The following GALNT7 variants were observed in gnomAD, a reference collection of about 807,000 sequenced individuals.
The protein encoded by GALNT7 is polypeptide N-acetylgalactosaminyltransferase 7.
GALNT7 carries 60 observed loss-of-function variants against 82.1 expected under a neutral mutation model. The observed-to-expected ratio is 0.73, with a 90% confidence interval of 0.59 to 0.91. GALNT7 has a LOEUF of 0.91. GALNT7 is among the 40% of genes least tolerant of loss of function. The probability of loss-of-function intolerance (pLI) is 0.00; values close to 1 mark genes in which losing one functional copy is unlikely to be tolerated. For synonymous variants in GALNT7, 243 were observed against 275.1 expected (o/e 0.88, Z 1.15); for missense variants, 660 against 804.2 (o/e 0.82, Z 2.17).
intron 1 of GALNT7, among the ~76,000 whole-genome samples, chr4:173,198,699 T>C (rs1420965647): frequency 3.9e-5 from 6 of 152,236 alleles, no homozygotes; most frequent in Non-Finnish European, 2.9e-5. Flanking sequence ...CATCAATTCA[T>C]ATATTATTTC....
At chr4:173,284,132 C>T (rs981863055) in intron 2 of GALNT7, among the ~76,000 whole-genome samples, 4 of 152,236 alleles carry the variant, frequency 2.6e-5, no homozygotes, top group African/African-American at 9.6e-5. Context: ...AACTCTTGTT[C>T]TGCTTAATAT....
intron 1 of GALNT7, among the ~76,000 whole-genome samples, chr4:173,208,469 C>T (rs545614856): frequency 5.9e-5 from 9 of 152,282 alleles, no homozygotes; most frequent in East Asian, 1.9e-4. Flanking sequence ...TATCATTCAG[C>T]GGCATCTCTT....
intron 2 of GALNT7, among the ~76,000 whole-genome samples, chr4:173,277,047 T>C (rs991211352): frequency 6.9e-6 from 1 of 145,614 alleles, no homozygotes; most frequent in Admixed American, 6.7e-5. Context: ...GATTGATAGA[T>C]TGATTGATTA....
intron 2 of GALNT7, among the ~76,000 whole-genome samples, chr4:173,273,863 T>C (rs1378664170): frequency 2.6e-5 from 4 of 152,216 alleles, no homozygotes; most frequent in Admixed American, 2.6e-4. Context: ...GTAGCATAAG[T>C]TAATAACTAA....
At chr4:173,281,547 G>A (rs560313260) in intron 2 of GALNT7, among the ~76,000 whole-genome samples, 2 of 152,278 alleles carry the variant, frequency 1.3e-5, no homozygotes, top group South Asian at 2.1e-4. Flanking sequence ...ATGTGGAAAC[G>A]TCTGGGCTCC....
Position 173,295,529 on chromosome 4 carries a change from A to G in GALNT7, c.885+3A>G, listed in dbSNP as rs982782705. 3.7e-6 allele frequency: 6 copies of G among 1,612,986 alleles called. No individual in the cohort carries two copies. The highest frequency in any genetic ancestry group is 4.2e-6 in the Non-Finnish European group (5 of 1,179,326). ...CTCAGAAGGCTAAACTTGGACAGGT[A>G]GGAAGCATTTGATATCTACAATGTC... is the stretch of plus-strand genomic sequence containing the variant. On this transcript the variant is annotated splice_donor_region_variant and intron_variant, in intron 4 of 11. Transcript: ENST00000265000.
rs1183840918 is a variant in GALNT7 at position 173,302,116 on chromosome 4, T to G, written c.1218T>G (p.Asp406Glu). 6.3e-7 allele frequency: 1 copy of G among 1,590,586 alleles called. No homozygotes were observed. ...REFFFELGLY[D>E]PGLQIWGGEN... is the part of the protein sequence containing the mutation. The stretch of plus-strand genomic sequence containing the variant: ...TCTTCTTTGAATTGGGTCTCTATGA[T>G]CCAGGTCTCCAGATTTGGGGTGGTG... Residue 406 changes from aspartate to glutamate, a missense_variant, in exon 7 of 12, where the codon GAT (aspartate) becomes GAG (glutamate). Asp to Glu is a conservative substitution (Grantham distance 45, BLOSUM62 2). Transcript: ENST00000265000. This position sits in a 1 kb window ranked among gnomAD's most constrained non-coding sequence, Gnocchi z 4.2.
intron 2 of GALNT7, among the ~76,000 whole-genome samples, chr4:173,285,910 C>T (rs1176204546): frequency 6.6e-6 from 1 of 152,108 alleles, no homozygotes; most frequent in East Asian, 1.9e-4. Flanking sequence ...GCACCTTAAT[C>T]TATTTCCCAG....
At chr4:173,300,279 G>A (rs904543974) in intron 6 of GALNT7, among the ~76,000 whole-genome samples, 3 of 151,850 alleles carry the variant, frequency 2.0e-5, no homozygotes, top group Non-Finnish European at 4.4e-5. Flanking sequence ...GGAGTTCAAG[G>A]CTTCAGTGAA....
chr4:173,188,002 T>G (rs1476773920), intron 1 of GALNT7, among the ~76,000 whole-genome samples: 1 of 152,222 alleles, frequency 6.6e-6, no homozygotes, highest in East Asian at 1.9e-4. Flanking sequence ...TTTCTATGTC[T>G]TTGCATCTTA....
chr4:173,188,249 A>G (rs1732517040), intron 1 of GALNT7, among the ~76,000 whole-genome samples: 1 of 152,228 alleles, frequency 6.6e-6, no homozygotes, highest in Non-Finnish European at 1.5e-5. Flanking sequence ...GCCCAAGGTC[A>G]CTTGGTCTTC....
intron 2 of GALNT7, among the ~76,000 whole-genome samples, chr4:173,257,833 A>C (rs1417139382): frequency 6.6e-6 from 1 of 152,194 alleles, no homozygotes; most frequent in Non-Finnish European, 1.5e-5. Flanking sequence ...GAGAATCTAA[A>C]CTCCACATTC....
At chr4:173,188,054 A>G (rs1250388330) in intron 1 of GALNT7, among the ~76,000 whole-genome samples, 2 of 152,220 alleles carry the variant, frequency 1.3e-5, no homozygotes, top group Non-Finnish European at 2.9e-5. Context: ...CTTATATACT[A>G]ATACAACAGG....
At chr4:173,288,085 C>T (rs1379427346) in intron 2 of GALNT7, among the ~76,000 whole-genome samples, 2 of 151,604 alleles carry the variant, frequency 1.3e-5, no homozygotes, top group African/African-American at 2.4e-5. Flanking sequence ...AGATCGAGAC[C>T]ATCCTGGCTA....
At chr4:173,319,803 G>A (rs1737737466) in intron 11 of GALNT7, among the ~76,000 whole-genome samples, 1 of 152,070 alleles carries the variant, frequency 6.6e-6, no homozygotes, top group African/African-American at 2.4e-5. Context: ...TGGCAGAGAA[G>A]AAAGAAATGC....
intron 2 of GALNT7, among the ~76,000 whole-genome samples, chr4:173,248,817 C>A (rs1336698224): frequency 2.0e-5 from 3 of 152,112 alleles, no homozygotes; most frequent in Non-Finnish European, 4.4e-5. Context: ...AGCAAAACTT[C>A]CTTGATTTGT....
chr4:173,315,643 T>A (rs1737572257), intron 9 of GALNT7, among the ~76,000 whole-genome samples: 1 of 151,678 alleles, frequency 6.6e-6, no homozygotes, highest in African/African-American at 2.4e-5. Context: ...TACTTCTTGC[T>A]TTAATATACT....
At chr4:173,183,453 ATT>A (rs1426868430) in intron 1 of GALNT7, among the ~76,000 whole-genome samples, 1 of 151,778 alleles carries the variant, frequency 6.6e-6, no homozygotes, top group African/African-American at 2.4e-5. Context: ...AGGACTGCAA[ATT>A]TTCCTGGGTT....
At chr4:173,259,260 AATAG>A (rs1018269985) in intron 2 of GALNT7, among the ~76,000 whole-genome samples, 1 of 152,344 alleles carries the variant, frequency 6.6e-6, no homozygotes, top group East Asian at 1.9e-4. Flanking sequence ...AAATGGGACA[AATAG>A]ATAGGAAGAC....
Sources: allele counts gnomAD v4.1 joint callset (sites outside exome capture counted in the v4.1 genomes callset), GRCh38; gene constraint gnomAD v4.1.1; non-coding constraint Gnocchi (gnomAD v3.1); transcripts MANE v1.5; gene names NCBI Gene and HGNC (gene_info 2026-07-23, HGNC 2026-07-21).